The following NRG1 variants were observed in gnomAD, a reference collection of about 807,000 sequenced individuals.
The protein encoded by NRG1 is pro-neuregulin-1, membrane-bound isoform.
NRG1 carries 18 observed loss-of-function variants against 63.8 expected under a neutral mutation model. The ratio of observed to expected loss-of-function variants is 0.28; its 90% CI spans 0.19 to 0.42. The LOEUF (loss-of-function observed/expected upper bound fraction) is 0.42, where lower values mean the gene tolerates loss of function less well. Among genes scored for constraint, NRG1 ranks in the 10% least tolerant of loss-of-function variants. The pLI, the probability that NRG1 is intolerant of heterozygous loss-of-function variation, is 1.00. For missense variants in NRG1, 762 were observed against 814.7 expected (o/e 0.94, Z 0.79); for synonymous variants, 302 against 301.3 (o/e 1.00, Z -0.02).
intron 6 of NRG1, among the ~76,000 whole-genome samples, chr8:32,735,933 T>A (rs1268619110): frequency 6.6e-6 from 1 of 152,044 alleles, no homozygotes; most frequent in South Asian, 2.1e-4. Flanking sequence ...TTTCTCAGCA[T>A]TTACCCATGA....
intron 1 of NRG1, among the ~76,000 whole-genome samples, chr8:32,229,403 CG>C (rs1410247569): frequency 6.6e-6 from 1 of 152,090 alleles, no homozygotes; most frequent in Non-Finnish European, 1.5e-5. Context: ...GCAAGATGAA[CG>C]AGTGAACAAC....
intron 1 of NRG1, among the ~76,000 whole-genome samples, chr8:32,186,960 C>CT (rs1842033036): frequency 6.6e-6 from 1 of 152,190 alleles, no homozygotes; most frequent in African/African-American, 2.4e-5. Context: ...AGACTTCCCC[C>CT]TACTGAGCAT....
chr8:32,646,887 G>C (rs1853663506), intron 5 of NRG1: 2 of 984,958 alleles, frequency 2.0e-6, no homozygotes, highest in African/African-American at 1.8e-5. Flanking sequence ...AGAGCGGGGA[G>C]TGGGGGTTGG....
chr8:32,737,073 G>T (rs1825257723), intron 6 of NRG1, among the ~76,000 whole-genome samples: 1 of 152,130 alleles, frequency 6.6e-6, no homozygotes, highest in Non-Finnish European at 1.5e-5. Context: ...CAGAAGTTTG[G>T]TTAGTAGAAT....
intron 1 of NRG1, among the ~76,000 whole-genome samples, chr8:32,275,137 GGGT>G (rs1279453063): frequency 1.3e-5 from 2 of 152,224 alleles, no homozygotes; most frequent in East Asian, 3.9e-4. Flanking sequence ...AGATACTGTC[GGGT>G]GATCAGGACA....
intron 1 of NRG1, among the ~76,000 whole-genome samples, chr8:32,369,085 G>A (rs1377598137): frequency 6.6e-6 from 1 of 152,226 alleles, no homozygotes; most frequent in African/African-American, 2.4e-5. Context: ...CGTCAGGGTT[G>A]ACAGAGGGAA....
intron 3 of NRG1, among the ~76,000 whole-genome samples, chr8:32,610,447 T>C (rs1004623379): frequency 2.0e-5 from 3 of 152,140 alleles, no homozygotes; most frequent in African/African-American, 7.2e-5. Context: ...ATAGTAATTA[T>C]TAAAATAAAA....
At chr8:32,708,770 T>C (rs1283554026) in intron 5 of NRG1, among the ~76,000 whole-genome samples, 1 of 152,236 alleles carries the variant, frequency 6.6e-6, no homozygotes, top group Non-Finnish European at 1.5e-5. Context: ...ATGACAGGAA[T>C]GGTTAGCTAA....
chr8:32,692,269 A>G (rs1030247125), intron 5 of NRG1, among the ~76,000 whole-genome samples: 3 of 152,232 alleles, frequency 2.0e-5, no homozygotes, highest in Non-Finnish European at 4.4e-5. Context: ...GCTATTTTCT[A>G]GCCTGCTGGA....
chr8:32,075,584 G>A (rs1449410245), intron 1 of NRG1, among the ~76,000 whole-genome samples: 1 of 151,768 alleles, frequency 6.6e-6, no homozygotes, highest in Non-Finnish European at 1.5e-5. Flanking sequence ...CTAATATAAT[G>A]TGAATGCTAT....
intron 1 of NRG1, among the ~76,000 whole-genome samples, chr8:31,928,649 T>TATACAC (rs776284726): frequency 3.4e-5 from 5 of 148,148 alleles, no homozygotes; most frequent in African/African-American, 1.3e-4. Context: ...TATATATATA[T>TATACAC]ACACACACAC....
chr8:32,704,429 A>AAAC (rs1428038100), intron 5 of NRG1, among the ~76,000 whole-genome samples: 1 of 152,246 alleles, frequency 6.6e-6, no homozygotes, highest in African/African-American at 2.4e-5. Context: ...AGACTAAGTG[A>AAAC]AACAACTTCT....
chr8:32,537,195 CA>C (rs71208193), intron 1 of NRG1, among the ~76,000 whole-genome samples: 57 of 43,808 alleles, frequency 1.3e-3, no homozygotes, highest in South Asian at 0.01. Context: ...GACTCCATCT[CA>C]AAAAAAAAAA....
intron 1 of NRG1, among the ~76,000 whole-genome samples, chr8:31,959,654 T>A (rs1042739592): frequency 7.9e-5 from 12 of 152,266 alleles, no homozygotes; most frequent in African/African-American, 2.9e-4. Flanking sequence ...TTGGAGATTA[T>A]CTTTAAGCAT....
At chr8:32,697,838 T>G (rs1296139553) in intron 5 of NRG1, among the ~76,000 whole-genome samples, 1 of 152,182 alleles carries the variant, frequency 6.6e-6, no homozygotes, top group African/African-American at 2.4e-5. Context: ...TTAGACTTAT[T>G]AAGAATTAGA....
At chr8:32,572,364 T>C (rs1230817058) in intron 1 of NRG1, among the ~76,000 whole-genome samples, 1 of 152,212 alleles carries the variant, frequency 6.6e-6, no homozygotes, top group East Asian at 1.9e-4. Context: ...CAATATATCA[T>C]AAGTGAGGTA....
intron 7 of NRG1, among the ~76,000 whole-genome samples, chr8:32,748,313 A>G (rs546821777): frequency 3.5e-4 from 53 of 151,218 alleles, no homozygotes; most frequent in Admixed American, 2.6e-3. Context: ...GACCACACAC[A>G]TAGGCGCATG....
intron 1 of NRG1, among the ~76,000 whole-genome samples, chr8:32,363,569 CA>C (rs1807523818): frequency 1.3e-5 from 2 of 152,128 alleles, no homozygotes; most frequent in Admixed American, 1.3e-4. Flanking sequence ...TCCAACTAGC[CA>C]AACAGGCCTT....
intron 1 of NRG1, among the ~76,000 whole-genome samples, chr8:32,083,768 A>G (rs1827838678): frequency 9.2e-6 from 1 of 108,880 alleles, no homozygotes; most frequent in Non-Finnish European, 1.9e-5. Flanking sequence ...ATGTCATGTG[A>G]TACAGTATAT....
Sources: gnomAD v4.1 joint callset for allele counts (sites outside exome capture counted in the v4.1 genomes callset) on GRCh38, gnomAD v4.1.1 for gene constraint, MANE v1.5 for transcripts, NCBI Gene and HGNC (gene_info 2026-07-23, HGNC 2026-07-21) for gene names.